The following SH3D21 variants were observed in gnomAD, a reference collection of about 807,000 sequenced individuals.
The protein encoded by SH3D21 is manchette microtubule inner protein 1, also known as SH3 domain-containing protein 21.
A neutral mutation model predicts 82.1 loss-of-function variants in SH3D21; 83 were observed. The ratio of observed to expected loss-of-function variants is 1.01; its 90% CI spans 0.85 to 1.21. SH3D21 has a LOEUF of 1.21. SH3D21 is among the 50% of genes most tolerant of loss of function. SH3D21 has a pLI of 0.00. For synonymous variants in SH3D21, 383 were observed against 387.8 expected, an observed-to-expected ratio of 0.99 and a Z score of 0.15; for missense variants, 980 against 962.1, an observed-to-expected ratio of 1.02 and a Z score of -0.25.
Position 36,320,494 on chromosome 1 carries a change from C to G in SH3D21, c.1831C>G (p.Pro611Ala). ...EEEAPPNEQR[P>A]LREEVLPKEG... The stretch of plus-strand genomic sequence containing the variant: ...GGAGGCGCCCCCCAACGAGCAGAGG[C>G]CTCTGAGAGAGGAGGTGCTCCCCAA... Residue 611 changes from proline to alanine, a missense_variant, in exon 14 of 16, where the codon CCT becomes GCT. By Grantham distance (27) the Pro-to-Ala change is conservative. Transcript: ENST00000453908. 6.2e-7 allele frequency: 1 copy of G among 1,614,084 alleles called. No individual in the cohort carries two copies. The highest frequency in any genetic ancestry group is 8.5e-7 in the Non-Finnish European group (1 of 1,179,998).
At chr1:36,325,419 T>G (rs765742568), downstream of SH3D21, among the ~76,000 whole-genome samples, 1 of 152,248 alleles carries the variant, frequency 6.6e-6, no homozygotes, top group Non-Finnish European at 1.5e-5. Flanking sequence ...TGTGTATAGG[T>G]TAAATGCAAA....
At chr1:36,322,936 G>A, downstream of SH3D21, 1 of 1,605,860 alleles carries the variant, frequency 6.2e-7, no homozygotes, top group Non-Finnish European at 8.5e-7. Context: ...TCAGGGAAGG[G>A]TTCAGGCCCC....
chr1:36,322,037 G>T, downstream of SH3D21: 1 of 1,304,322 alleles, frequency 7.7e-7, no homozygotes, highest in Non-Finnish European at 9.7e-7. Flanking sequence ...GAGTCACTGA[G>T]AATGCAGCTT....
chr1:36,325,820 G>T (rs539132647), downstream of SH3D21, among the ~76,000 whole-genome samples: 1 of 152,274 alleles, frequency 6.6e-6, no homozygotes, highest in East Asian at 1.9e-4. Flanking sequence ...CAGGGATTAC[G>T]GGCGTGAGCC....
At chr1:36,322,517 G>T (rs967971768), downstream of SH3D21, 1 of 1,601,190 alleles carries the variant, frequency 6.2e-7, no homozygotes, top group Non-Finnish European at 8.5e-7. Context: ...GCAGCGTGTC[G>T]TCGGGGCCCA....
In SH3D21 at chr1:36,309,567, G is replaced by A. The variant is rs149641597; in HGVS notation, c.746G>A (p.Arg249Gln). ...PPPPIKKLVP[R>Q]KVVSRESAPI... The stretch of plus-strand genomic sequence containing the variant: ...GCATAGATCAAGAAGCTGGTCCCAC[G>A]GAAAGTGGTATCTCGGGAATCAGGT... The change falls in exon 10 of 16, where the codon CGG becomes CAG. Residue 249 changes from arginine to glutamine, a missense_variant. Physicochemically the swap from Arg to Gln is conservative, Grantham distance 43 (BLOSUM62 1). Coordinates refer to ENST00000453908, the MANE Select transcript of SH3D21 (RefSeq NM_001162530.2). 2.2e-4 allele frequency: 349 copies of A among 1,551,646 alleles called. No homozygotes were observed. Among genetic ancestry groups the A allele is most frequent in the Non-Finnish European group, 2.8e-4 (316 of 1,146,956 alleles).
rs757618705 is a variant in SH3D21 at position 36,320,334 on chromosome 1, G to T, written c.1671G>T (p.Gly557=). The change falls in exon 14 of 16, where the codon GGG becomes GGT. Residue 557 remains glycine (G), a synonymous_variant. Coordinates refer to ENST00000453908, the MANE Select transcript of SH3D21 (RefSeq NM_001162530.2). Reference sequence around the variant, plus strand: ...AGATGAAATGTACCCTAGTTAGAGGGGACAGCTCCCCACGCCAGGCTGAGT... The same window carrying T: ...AGATGAAATGTACCCTAGTTAGAGGTGACAGCTCCCCACGCCAGGCTGAGT... The part of the protein sequence containing the change: ...LGEMKCTLVR[G]DSSPRQAELK... 16 of 1,613,072 alleles carry T rather than the reference G, an allele frequency of 9.9e-6. No individual in the cohort carries two copies. The highest frequency in any genetic ancestry group is 1.3e-5 in the Non-Finnish European group (15 of 1,179,974).
chr1:36,330,141 C>T (rs1017497559), downstream of SH3D21, among the ~76,000 whole-genome samples: 9 of 152,338 alleles, frequency 5.9e-5, no homozygotes, highest in South Asian at 1.0e-3. Context: ...CCCAGTTCCT[C>T]GCCCTGTAAA....
Position 36,306,542 on chromosome 1 carries a change from A to C in SH3D21, c.5-56A>C. On this transcript the variant is annotated intron_variant, in intron 1 of 15. Transcript: ENST00000453908. The surrounding 1 kb of genome is among the most constrained non-coding windows in gnomAD (Gnocchi z 4.5). Reference sequence around the variant, plus strand: ...GCTTGGGGACACGCCCGCCCTAGCCAGGCTGCCCGGCTGGGCCTTTCTGAG... The same window carrying C: ...GCTTGGGGACACGCCCGCCCTAGCCCGGCTGCCCGGCTGGGCCTTTCTGAG... 2 of 1,302,784 alleles carry C rather than the reference A, an allele frequency of 1.5e-6. No individual in the cohort carries two copies. Among genetic ancestry groups the C allele is most frequent in the African/African-American group, 3.0e-5 (2 of 65,894 alleles). 80.7% of individuals were successfully genotyped at this position (1,302,784 alleles called of 1,614,324 possible).
intron 10 of SH3D21, among the ~76,000 whole-genome samples, chr1:36,315,536 AG>A (rs1166797436): frequency 3.3e-5 from 5 of 151,840 alleles, no homozygotes; most frequent in African/African-American, 1.2e-4. Flanking sequence ...TTTTGTAGAG[AG>A]GGGGTTTCAC....
At position 36,319,139 on chromosome 1, in the gene SH3D21, G is replaced by A; in HGVS notation, c.838G>A (p.Ala280Thr). 1 of 1,551,680 alleles carries A rather than the reference G, an allele frequency of 6.4e-7. No homozygotes were observed. Among genetic ancestry groups the A allele is most frequent in the Non-Finnish European group, 8.7e-7 (1 of 1,146,942 alleles). ...CCCCACAGTCAAGAAGCTAGCAACA[G>A]CCACCACTGGGCCCAGCAAAGCCAA... is the stretch of plus-strand genomic sequence containing the variant. Reference protein sequence around the residue: ...SLPTVKKLATATTGPSKAKTS... With the variant: ...SLPTVKKLATTTTGPSKAKTS... The change falls in exon 11 of 16, where the codon GCC becomes ACC. Residue 280 changes from alanine to threonine, a missense_variant. Transcript: ENST00000453908.
At chr1:36,320,851 C>G in intron 14 of SH3D21, 53 bp downstream of exon 14, 1 of 1,550,436 alleles carries the variant, frequency 6.4e-7, no homozygotes. Context: ...CTAGCCCTCA[C>G]CTGCGCAGCC....
chr1:36,307,825 G>A lies in SH3D21; in HGVS notation c.492G>A (p.Lys164=), dbSNP rs774612299. Reference sequence around the variant, plus strand: ...GCCCTGGTCCCCAGCGGCCTCCCAAGGTAAGTTGGCTCAGAGTAGGCACAG... The same window carrying A: ...GCCCTGGTCCCCAGCGGCCTCCCAAAGTAAGTTGGCTCAGAGTAGGCACAG... The part of the protein sequence containing the change: ...SVSPGPQRPP[K]LSSLAYDSPP... The change falls in exon 6 of 16, where the codon AAG becomes AAA. Residue 164 remains lysine (K), a splice_region_variant and synonymous_variant. Coordinates refer to ENST00000453908, the MANE Select transcript of SH3D21 (RefSeq NM_001162530.2). This position sits in a 1 kb window ranked among gnomAD's most constrained non-coding sequence, Gnocchi z 5.4. 1.1e-5 allele frequency: 17 copies of A among 1,551,790 alleles called. No homozygotes were observed. Among genetic ancestry groups the A allele is most frequent in the East Asian group, 2.4e-5 (1 of 40,914 alleles).
At chr1:36,321,572 C>G (rs1045557788), downstream of SH3D21, 23 of 802,930 alleles carry the variant, frequency 2.9e-5, no homozygotes, top group Non-Finnish European at 3.5e-5. This position sits in a 1 kb window ranked among gnomAD's most constrained non-coding sequence, Gnocchi z 6.1. Context: ...CCTCCCTGTC[C>G]GCTCAGAGGG....
At chr1:36,329,858 G>A (rs1046203401), downstream of SH3D21, among the ~76,000 whole-genome samples, 11 of 152,138 alleles carry the variant, frequency 7.2e-5, no homozygotes, top group Non-Finnish European at 1.5e-4. Context: ...AACCAGTGCA[G>A]AGTGTTAGGG....
rs569126168 is a variant in SH3D21 at position 36,312,841 on chromosome 1, G to A, written c.769+3251G>A. On this transcript the variant is annotated intron_variant, in intron 10 of 15. Coordinates refer to ENST00000453908, the MANE Select transcript of SH3D21 (RefSeq NM_001162530.2). The stretch of plus-strand genomic sequence containing the variant: ...TTCTCCTGCTGCAGCCTCCCAAGTA[G>A]CTGGGACTACAGGTGTGCACCACCA... Among the ~76,000 whole-genome samples, 7 of 152,290 alleles carry A rather than the reference G, an allele frequency of 4.6e-5. No individual in the cohort carries two copies. In the East Asian group the frequency reaches 1.2e-3, roughly 25 times the overall value.
intron 10 of SH3D21, among the ~76,000 whole-genome samples, chr1:36,310,833 AT>A (rs1220110900): frequency 5.9e-5 from 9 of 151,934 alleles, no homozygotes; most frequent in Non-Finnish European, 1.3e-4. Context: ...CACTAAATTC[AT>A]TTTTGTTTTT....
rs1305611343 is a variant in SH3D21 at position 36,320,285 on chromosome 1, C to A, written c.1622C>A (p.Pro541His). 2 of 1,612,618 alleles carry A rather than the reference C, an allele frequency of 1.2e-6. No homozygotes were observed. The highest frequency in any genetic ancestry group is 2.7e-5 in the African/African-American group (2 of 74,924). The change falls in exon 14 of 16, where the codon CCT becomes CAT. Residue 541 changes from proline to histidine, a missense_variant. Pro to His is a moderately conservative substitution (Grantham distance 77). Transcript: ENST00000453908. ...HTPEAPPPQPPSSERCLGEMK... is the reference protein window; with the variant it reads ...HTPEAPPPQPHSSERCLGEMK... Reference sequence around the variant, plus strand: ...CCAGAGGCACCCCCACCCCAGCCTCCTTCCTCAGAGAGGTGCCTGGGAGAG... The same window carrying A: ...CCAGAGGCACCCCCACCCCAGCCTCATTCCTCAGAGAGGTGCCTGGGAGAG...
At chr1:36,322,908 G>GAGGGAAGGGGATGGTGGTC (rs1553132026), downstream of SH3D21, 40 of 1,582,252 alleles carry the variant, frequency 2.5e-5, no homozygotes, top group Admixed American at 5.8e-4. Flanking sequence ...AGGCGCTGGG[G>GAGGGAAGGGGATGGTGGTC]AGGGAAGGGG....
Sources: gnomAD v4.1 joint callset for allele counts (sites outside exome capture counted in the v4.1 genomes callset) on GRCh38, gnomAD v4.1.1 for gene constraint, Gnocchi (gnomAD v3.1) non-coding constraint, MANE v1.5 for transcripts, NCBI Gene and HGNC (gene_info 2026-07-23, HGNC 2026-07-21) for gene names.